Variants in EPB41L3 observed in about 807,000 individuals in gnomAD.
EPB41L3 encodes band 4.1-like protein 3.
In EPB41L3, 57 loss-of-function variants were observed where a neutral mutation model predicts 127.1. That is an observed-to-expected ratio of 0.45 (90% CI 0.36 to 0.56). The LOEUF (loss-of-function observed/expected upper bound fraction) is 0.56. EPB41L3 is among the 20% of genes least tolerant of loss of function. The pLI, the probability that EPB41L3 is intolerant of heterozygous loss-of-function variation, is 0.00. For missense variants in EPB41L3, 1,273 were observed against 1,372.2 expected (o/e 0.93, Z 1.14); for synonymous variants, 572 against 549.5 (o/e 1.04, Z -0.57).
intron 1 of EPB41L3, among the ~76,000 whole-genome samples, chr18:5,541,654 C>G (rs1201332345): frequency 6.6e-6 from 1 of 152,198 alleles, no homozygotes; most frequent in Non-Finnish European, 1.5e-5. Context: ...AAATCCTGAT[C>G]TTTTATTTCA....
intron 1 of EPB41L3, among the ~76,000 whole-genome samples, chr18:5,615,394 AC>A (rs2094782149): frequency 6.6e-6 from 1 of 152,102 alleles, no homozygotes; most frequent in Non-Finnish European, 1.5e-5. Context: ...TTTTGTGGGT[AC>A]ATAGAAGATG....
chr18:5,444,114 T>G (rs945307726), intron 4 of EPB41L3, among the ~76,000 whole-genome samples: 1 of 152,226 alleles, frequency 6.6e-6, no homozygotes, highest in Non-Finnish European at 1.5e-5. Context: ...CAAAAGTCTT[T>G]TTCTTTTATA....
chr18:5,591,915 AC>A (rs1193435011), intron 3 of EPB41L3, among the ~76,000 whole-genome samples: 1 of 152,140 alleles, frequency 6.6e-6, no homozygotes, highest in East Asian at 1.9e-4. Context: ...TTGCCAAGCA[AC>A]TGCTGGGTCA....
chr18:5,603,736 C>T (rs1403888985), intron 3 of EPB41L3, among the ~76,000 whole-genome samples: 4 of 151,880 alleles, frequency 2.6e-5, no homozygotes, highest in Non-Finnish European at 5.9e-5. Context: ...GAAAAAATAG[C>T]CTGGCATGGT....
chr18:5,570,206 C>G (rs2094259267), intron 3 of EPB41L3: 1 of 152,102 alleles, frequency 6.6e-6, no homozygotes, highest in Admixed American at 6.6e-5. Context: ...TGTCACCCCT[C>G]AAATCAAATA....
chr18:5,557,332 A>G (rs1348110638), intron 3 of EPB41L3, among the ~76,000 whole-genome samples: 4 of 152,322 alleles, frequency 2.6e-5, no homozygotes, highest in African/African-American at 9.6e-5. Context: ...CCTGTCTTGT[A>G]GCACACACAA....
Position 5,593,014 on chromosome 18 carries a change from T to C in EPB41L3, c.-306+19326A>G, listed in dbSNP as rs2094500292. Among the ~76,000 whole-genome samples, 5 of 152,150 alleles carry C rather than the reference T, an allele frequency of 3.3e-5. No individual in the cohort carries two copies. In the South Asian group the frequency reaches 1.0e-3, roughly 32 times the overall value. Reference sequence around the variant, plus strand: ...GGTATCATGTAGGGCAGTGCTATGCTTGAGAGTCATTCAGAAGGCTTTAAA... The same window carrying C: ...GGTATCATGTAGGGCAGTGCTATGCCTGAGAGTCATTCAGAAGGCTTTAAA... On this transcript the variant is annotated intron_variant, in intron 3 of 21. Transcript: ENST00000545076.
chr18:5,446,448 T>A (rs2081488571), intron 3 of EPB41L3, among the ~76,000 whole-genome samples: 1 of 152,254 alleles, frequency 6.6e-6, no homozygotes, highest in Admixed American at 6.5e-5. Flanking sequence ...ACGAATTAAC[T>A]GACAACAAAT....
upstream of EPB41L3, among the ~76,000 whole-genome samples, chr18:5,547,563 T>C (rs1193897717): frequency 6.6e-6 from 1 of 152,196 alleles, no homozygotes; most frequent in African/African-American, 2.4e-5. Flanking sequence ...CTAATCTTAT[T>C]TATGGACTTC....
At chr18:5,441,565 A>C (rs1458120235) in intron 5 of EPB41L3, among the ~76,000 whole-genome samples, 1 of 150,268 alleles carries the variant, frequency 6.7e-6, no homozygotes, top group Non-Finnish European at 1.5e-5. Flanking sequence ...TCCCGGGTTC[A>C]CGCCATTCTC....
At chr18:5,537,720 T>C (rs1224643589) in intron 1 of EPB41L3, among the ~76,000 whole-genome samples, 1 of 152,176 alleles carries the variant, frequency 6.6e-6, no homozygotes, top group Non-Finnish European at 1.5e-5. Context: ...GGCAGGTCTC[T>C]TGACTTCTGG....
At chr18:5,399,456 A>C (rs1218231197) in intron 16 of EPB41L3, 1 of 397,792 alleles carries the variant, frequency 2.5e-6, no homozygotes, top group Non-Finnish European at 4.4e-6. Flanking sequence ...GAATCCTTTA[A>C]GAAAATCAGG....
At chr18:5,602,548 G>A (rs140686149) in intron 3 of EPB41L3, among the ~76,000 whole-genome samples, 143 of 152,268 alleles carry the variant, frequency 9.4e-4, no homozygotes, top group African/African-American at 3.3e-3. Flanking sequence ...GGGCTCAAGC[G>A]ATCTTCCCAT....
chr18:5,474,557 G>T (rs1250377865), intron 3 of EPB41L3, among the ~76,000 whole-genome samples: 3 of 152,076 alleles, frequency 2.0e-5, no homozygotes, highest in Non-Finnish European at 2.9e-5. Flanking sequence ...GAGCCTTAAT[G>T]ATTTTAAGTT....
intron 3 of EPB41L3, chr18:5,570,669 T>C (rs925455131): frequency 6.6e-6 from 1 of 152,180 alleles, no homozygotes; most frequent in African/African-American, 2.4e-5. Flanking sequence ...TTGTTACATA[T>C]GTAGACATGT....
chr18:5,437,024 C>G (rs2079946613), intron 6 of EPB41L3, among the ~76,000 whole-genome samples: 1 of 152,152 alleles, frequency 6.6e-6, no homozygotes, highest in South Asian at 2.1e-4. Flanking sequence ...ATTGCTTTGA[C>G]TGGTCATAAA....
intron 3 of EPB41L3, among the ~76,000 whole-genome samples, chr18:5,551,132 T>C (rs1431055232): frequency 6.6e-6 from 1 of 152,172 alleles, no homozygotes; most frequent in Non-Finnish European, 1.5e-5. Flanking sequence ...TTAAGTCTAT[T>C]TTGGAATTTT....
intron 3 of EPB41L3, among the ~76,000 whole-genome samples, chr18:5,557,848 T>A (rs1323573045): frequency 6.6e-6 from 1 of 152,174 alleles, no homozygotes; most frequent in African/African-American, 2.4e-5. Flanking sequence ...AGGGGGTCAA[T>A]GGGGTCAGAT....
chr18:5,502,564 C>A (rs896260822), intron 1 of EPB41L3, among the ~76,000 whole-genome samples: 2 of 152,140 alleles, frequency 1.3e-5, no homozygotes, highest in Non-Finnish European at 2.9e-5. Context: ...CACACTGATG[C>A]CTTATTTTAA....
Sources: gnomAD v4.1 joint callset for allele counts (sites outside exome capture counted in the v4.1 genomes callset) on GRCh38, gnomAD v4.1.1 for gene constraint, MANE v1.5 for transcripts, NCBI Gene and HGNC (gene_info 2026-07-23, HGNC 2026-07-21) for gene names.